MYH15: variants seen among roughly 807,000 people sequenced by gnomAD.
The protein encoded by MYH15 is myosin heavy chain 15.
Under a neutral mutation model 240.5 loss-of-function variants are expected in MYH15, and 227 were observed. The observed-to-expected ratio is 0.94, with a 90% CI of 0.85 to 1.05. The LOEUF is 1.05. MYH15 is among the 50% of genes least tolerant of loss of function. MYH15 has a pLI of 0.00. For synonymous variants in MYH15, 785 were observed against 796.7 expected, an observed-to-expected ratio of 0.99 and a Z score of 0.25; for missense variants, 2,217 against 2,247.5, an observed-to-expected ratio of 0.99 and a Z score of 0.27.
At chr3:108,477,137 A>G (rs1181982266) in intron 11 of MYH15, among the ~76,000 whole-genome samples, 1 of 152,194 alleles carries the variant, frequency 6.6e-6, no homozygotes, top group African/African-American at 2.4e-5. Context: ...ATTGCTAGTC[A>G]TTTTACAAAA....
chr3:108,542,387 T>C, the MYH15 span, among the ~76,000 whole-genome samples: 2 of 152,208 alleles, frequency 1.3e-5, no homozygotes, highest in Non-Finnish European at 2.9e-5. Context: ...AAATGCTCCA[T>C]TTATTTTTTG....
the MYH15 span, among the ~76,000 whole-genome samples, chr3:108,545,237 T>A: frequency 4.6e-5 from 7 of 152,114 alleles, no homozygotes; most frequent in African/African-American, 1.7e-4. Flanking sequence ...ACTCTTGGGG[T>A]GTAGACAATA....
At chr3:108,527,484 C>T (rs368217628) in intron 1 of MYH15, among the ~76,000 whole-genome samples, 2 of 152,210 alleles carry the variant, frequency 1.3e-5, no homozygotes, top group African/African-American at 4.8e-5. Flanking sequence ...TAGACAGTTA[C>T]ATGTTTTATG....
intron 10 of MYH15, among the ~76,000 whole-genome samples, chr3:108,485,914 A>T (rs1276045018): frequency 1.3e-5 from 2 of 152,252 alleles, no homozygotes; most frequent in African/African-American, 4.8e-5. Flanking sequence ...AGTGAAAAAA[A>T]ACTTGAGTCT....
chr3:108,429,551 A>G (rs1040123729), intron 26 of MYH15, among the ~76,000 whole-genome samples: 9 of 152,180 alleles, frequency 5.9e-5, no homozygotes, highest in African/African-American at 1.9e-4. Context: ...CAGAGCCCCA[A>G]GCCCTTTTAG....
At chr3:108,507,298 A>C (rs2083486416) in intron 1 of MYH15, among the ~76,000 whole-genome samples, 1 of 130,750 alleles carries the variant, frequency 7.6e-6, no homozygotes, top group African/African-American at 2.9e-5. Flanking sequence ...AATGAGCCTT[A>C]GTAGAAGCTC....
chr3:108,431,069 T>A lies in MYH15; in HGVS notation c.3222-147A>T, dbSNP rs2082774959. ...ATTACCCTGATTTACTCATTGTACA[T>A]TGTATACAGGCATCAAAATAGCACA... is the stretch of plus-strand genomic sequence containing the variant. On this transcript the variant is annotated intron_variant, in intron 25 of 40. Transcript: ENST00000693548. The A allele has an allele frequency of 4.9e-6, 3 of 608,982 alleles. No homozygotes were observed. The South Asian group carries it at 6.2e-5, about 13-fold the overall frequency. The allele number at this position is 608,982 out of a possible 1,614,324, so 37.7% of individuals were successfully genotyped here.
At position 108,384,120 on chromosome 3, in the gene MYH15, G is replaced by A. The variant is rs189566588; in HGVS notation, c.5632-391C>T. The stretch of plus-strand genomic sequence containing the variant: ...GGTCAACAGGTAATTATTAGACCTT[G>A]GGCTAGAACAGGTAGTGTTTTAGGC... On this transcript the variant is annotated intron_variant, in intron 39 of 40. Transcript: ENST00000693548. Among the ~76,000 whole-genome samples the A allele has an allele frequency of 6.0e-4, 92 of 152,212 alleles. No homozygotes were observed. In the East Asian group the frequency reaches 0.013, roughly 21 times the overall value.
chr3:108,396,066 T>A (rs2082458539), intron 35 of MYH15, among the ~76,000 whole-genome samples: 2 of 152,264 alleles, frequency 1.3e-5, no homozygotes, highest in Middle Eastern at 3.4e-3. Flanking sequence ...TATGTACACA[T>A]CAAGTTTCAG....
At chr3:108,494,897 C>T (rs1466164279) in intron 7 of MYH15, among the ~76,000 whole-genome samples, 1 of 152,022 alleles carries the variant, frequency 6.6e-6, no homozygotes, top group African/African-American at 2.4e-5. Flanking sequence ...CTTTATTGCT[C>T]CCCTTTGCCT....
At chr3:108,474,623 T>C in intron 12 of MYH15, among the ~76,000 whole-genome samples, 1 of 152,124 alleles carries the variant, frequency 6.6e-6, no homozygotes, top group Non-Finnish European at 1.5e-5. Flanking sequence ...ACACTGATCA[T>C]TTCTTTATAT....
At chr3:108,413,350 A>G (rs559983350) in intron 30 of MYH15, among the ~76,000 whole-genome samples, 3 of 152,338 alleles carry the variant, frequency 2.0e-5, no homozygotes, top group Admixed American at 6.5e-5. Context: ...CTGGGACAAA[A>G]CACAGCAGCT....
chr3:108,545,716 C>G, the MYH15 span, among the ~76,000 whole-genome samples: 1 of 149,690 alleles, frequency 6.7e-6, no homozygotes, highest in Admixed American at 6.7e-5. Flanking sequence ...CACACACACA[C>G]AAACAAATCT....
At chr3:108,493,040 A>AGGAAGGAAGGAAGGAG in intron 8 of MYH15, 74 bp downstream of exon 8, 1 of 1,201,082 alleles carries the variant, frequency 8.3e-7, no homozygotes, top group African/African-American at 1.5e-5. Context: ...GAAGGAAGGA[A>AGGAAGGAAGGAAGGAG]GGAAGGAAAG....
At position 108,399,364 on chromosome 3, in the gene MYH15, A is replaced by G. The variant is rs1265496542; in HGVS notation, c.4737-97T>C. 3 of 1,039,702 alleles carry G rather than the reference A, an allele frequency of 2.9e-6. No homozygotes were observed. In the East Asian group the frequency reaches 7.4e-5, roughly 26 times the overall value. The allele number at this position is 1,039,702 out of a possible 1,614,324, so 64.4% of individuals were successfully genotyped here. On this transcript the variant is annotated intron_variant, in intron 33 of 40. Transcript: ENST00000693548. ...AAACAGTACAAGAAACAGAAAAAGA[A>G]TAAAATCCAAGATAAATTTTAAGTA...
At chr3:108,532,711 CCTA>C (rs763600680), upstream of MYH15, among the ~76,000 whole-genome samples, 7 of 152,088 alleles carry the variant, frequency 4.6e-5, no homozygotes, top group Non-Finnish European at 8.8e-5. Context: ...GAAGGACTTT[CCTA>C]CTATTGATTT....
intron 7 of MYH15, among the ~76,000 whole-genome samples, chr3:108,494,667 T>C (rs2107600946): frequency 6.6e-6 from 1 of 152,180 alleles, no homozygotes; most frequent in South Asian, 2.1e-4. Context: ...CTAATATTTT[T>C]ATTTTTAGTA....
chr3:108,425,351 C>T (rs910148212), intron 27 of MYH15, among the ~76,000 whole-genome samples: 10 of 152,064 alleles, frequency 6.6e-5, no homozygotes, highest in Non-Finnish European at 1.2e-4. Flanking sequence ...TCAATAAATC[C>T]GTGCTTTATG....
At chr3:108,478,175 T>C (rs1328830036) in intron 11 of MYH15, among the ~76,000 whole-genome samples, 2 of 152,168 alleles carry the variant, frequency 1.3e-5, no homozygotes, top group Admixed American at 6.6e-5. Flanking sequence ...TAGAGAGCTC[T>C]ATCTCGTCTG....
Sources: allele counts gnomAD v4.1 joint callset (sites outside exome capture counted in the v4.1 genomes callset), GRCh38; gene constraint gnomAD v4.1.1; transcripts MANE v1.5; gene names NCBI Gene and HGNC (gene_info 2026-07-23, HGNC 2026-07-21).